The following DTX1 variants were observed in gnomAD, a reference collection of about 807,000 sequenced individuals.
The protein encoded by DTX1 is deltex E3 ubiquitin ligase 1.
In DTX1, 26 loss-of-function variants were observed where a neutral mutation model predicts 57.8. The observed-to-expected ratio is 0.45, with a 90% CI of 0.33 to 0.62. The LOEUF (loss-of-function observed/expected upper bound fraction) is 0.62, where lower values mean the gene tolerates loss of function less well. DTX1 is among the 20% of genes least tolerant of loss of function. The pLI, the probability that DTX1 is intolerant of heterozygous loss-of-function variation, is 0.02. For synonymous variants in DTX1, 398 were observed against 394.1 expected (o/e 1.01, Z -0.12); for missense variants, 704 against 895.3 (o/e 0.79, Z 2.73).
intron 2 of DTX1, among the ~76,000 whole-genome samples, chr12:113,068,203 T>C (rs1010958622): frequency 1.3e-5 from 2 of 152,216 alleles, no homozygotes; most frequent in African/African-American, 4.8e-5. Context: ...CATTTATTCA[T>C]TCATCCAACA....
At chr12:113,058,585 C>A in intron 2 of DTX1, 134 bp downstream of exon 2, 1 of 1,434,232 alleles carries the variant, frequency 7.0e-7, no homozygotes, top group Non-Finnish European at 9.3e-7. Flanking sequence ...TCCAGAAAAA[C>A]AGGGCAGTCT....
At position 113,093,201 on chromosome 12, in the gene DTX1, G is replaced by A; in HGVS notation, c.981G>A (p.Gly327=). Residue 327 remains glycine (G), a synonymous_variant, in exon 4 of 10, where the codon GGG becomes GGA. Coordinates refer to ENST00000548759, the MANE Select transcript of DTX1 (RefSeq NM_004416.3). This position sits in a 1 kb window ranked among gnomAD's most constrained non-coding sequence, Gnocchi z 4.2. ...ALPVKNLNGT[G]PVHPALAGMT... ...CGGTGAAGAACTTGAATGGTACTGG[G>A]CCGGTCCATCCGGCCCTGGCAGGTG... is the stretch of plus-strand genomic sequence containing the variant. 6.3e-7 allele frequency: 1 copy of A among 1,598,632 alleles called. No homozygotes were observed. The highest frequency in any genetic ancestry group is 1.7e-5 in the Admixed American group (1 of 58,092).
At chr12:113,068,598 G>A (rs1004387577) in intron 2 of DTX1, among the ~76,000 whole-genome samples, 1 of 152,240 alleles carries the variant, frequency 6.6e-6, no homozygotes, top group African/African-American at 2.4e-5. Context: ...TTTTGGTGTG[G>A]TTAGAGTGTG....
chr12:113,090,636 T>C (rs1950241122), intron 3 of DTX1, among the ~76,000 whole-genome samples: 1 of 152,218 alleles, frequency 6.6e-6, no homozygotes, highest in Non-Finnish European at 1.5e-5. Context: ...GTTCATTGAC[T>C]TCCATCACAC....
At chr12:113,079,111 T>A (rs1308493401) in intron 3 of DTX1, among the ~76,000 whole-genome samples, 1 of 152,052 alleles carries the variant, frequency 6.6e-6, no homozygotes, top group African/African-American at 2.4e-5. Flanking sequence ...TGCTGTTGGG[T>A]GCCTACCCTG....
rs774594866 is a variant in DTX1 at position 113,077,503 on chromosome 12, C to T, written c.339C>T (p.Asn113=). ...PGKGIVWEWE[N]DGGAWTAYDM... is the part of the protein sequence containing the mutation. ...AGGGCATCGTGTGGGAGTGGGAGAA[C>T]GACGGCGGCGCATGGACGGCCTACG... Residue 113 remains asparagine (N), a synonymous_variant, in exon 3 of 10, where the codon AAC becomes AAT. Coordinates refer to ENST00000548759, the MANE Select transcript of DTX1 (RefSeq NM_004416.3). The surrounding 1 kb of genome is among the most constrained non-coding windows in gnomAD (Gnocchi z 7.8). The T allele has an allele frequency of 6.2e-7, 1 of 1,610,350 alleles. No homozygotes were observed. The highest frequency in any genetic ancestry group is 8.5e-7 in the Non-Finnish European group (1 of 1,179,792).
Position 113,078,787 on chromosome 12 carries a change from G to C in DTX1, c.941+682G>C, listed in dbSNP as rs369023989. Among the ~76,000 whole-genome samples, 9 of 152,038 alleles carry C rather than the reference G, an allele frequency of 5.9e-5. No homozygotes were observed. The South Asian group carries it at 6.2e-4, about 11-fold the overall frequency. On this transcript the variant is annotated intron_variant, in intron 3 of 9. Coordinates refer to ENST00000548759, the MANE Select transcript of DTX1 (RefSeq NM_004416.3). ...ATGGTGGCTCGAGCAAGCATCAGCT[G>C]CTTGTCCAAAGTATTTCCCCATAGG... is the stretch of plus-strand genomic sequence containing the variant.
At chr12:113,057,175 TC>T (rs1169413936) in intron 1 of DTX1, among the ~76,000 whole-genome samples, 1 of 151,062 alleles carries the variant, frequency 6.6e-6, no homozygotes, top group East Asian at 2.0e-4. Flanking sequence ...GCACCCGGCA[TC>T]CCCCCGGCAG....
Position 113,093,436 on chromosome 12 carries a change from A to AGC in DTX1, c.1004-103_1004-102insGC, listed in dbSNP as rs1950261378. ...CTGAGTGGGTGGGGCCCAAGAGCGC[A>AGC]ACCCTCCCACCCACCCGAGGGCCCC... On this transcript the variant is annotated intron_variant, in intron 4 of 9. Coordinates refer to ENST00000548759, the MANE Select transcript of DTX1 (RefSeq NM_004416.3). The surrounding 1 kb of genome is among the most constrained non-coding windows in gnomAD (Gnocchi z 4.2). The AGC allele has an allele frequency of 7.1e-5, 62 of 876,274 alleles. No individual in the cohort carries two copies. Among genetic ancestry groups the AGC allele is most frequent in the Non-Finnish European group, 9.7e-5 (57 of 586,216 alleles). The allele number at this position is 876,274 out of a possible 1,614,324, so 54.3% of individuals were successfully genotyped here.
At chr12:113,090,919 G>C (rs1026126837) in intron 3 of DTX1, among the ~76,000 whole-genome samples, 1 of 152,334 alleles carries the variant, frequency 6.6e-6, no homozygotes, top group African/African-American at 2.4e-5. Flanking sequence ...CAGTGAGTCA[G>C]CGTGTCCTCC....
chr12:113,076,289 T>A (rs2044771716), intron 2 of DTX1, among the ~76,000 whole-genome samples: 1 of 151,742 alleles, frequency 6.6e-6, no homozygotes, highest in Non-Finnish European at 1.5e-5. Flanking sequence ...CAAAACCCCA[T>A]CTCTACTAAA....
At chr12:113,096,406 C>T (rs1950292529) in intron 9 of DTX1, among the ~76,000 whole-genome samples, 1 of 123,334 alleles carries the variant, frequency 8.1e-6, no homozygotes, top group Non-Finnish European at 1.6e-5. Flanking sequence ...CACTGCTGCA[C>T]TCCAGCCTGA....
chr12:113,059,240 C>G (rs2044650752), intron 2 of DTX1, among the ~76,000 whole-genome samples: 1 of 151,798 alleles, frequency 6.6e-6, no homozygotes, highest in Non-Finnish European at 1.5e-5. Flanking sequence ...TAGCGTTAAC[C>G]ATGGGATTCA....
rs1346770397 is a variant in DTX1, at chr12:113,096,459, A to G, written c.1639-256A>G. Among the ~76,000 whole-genome samples the G allele has an allele frequency of 2.1e-3, 284 of 135,344 alleles. 1 individual carries two copies. The highest frequency in any genetic ancestry group is 6.9e-3 in the African/African-American group (264 of 37,998). The allele number at this position is 135,344 out of a possible 152,430, so 88.8% of individuals were successfully genotyped here. A position where few individuals can be genotyped will look rare whatever the true frequency, so the allele number is the denominator to read the frequency against. On this transcript the variant is annotated intron_variant, in intron 9 of 9. Coordinates refer to ENST00000548759, the MANE Select transcript of DTX1 (RefSeq NM_004416.3). ...TGCCTCAAAAAAAAAAAAAAAAAAA[A>G]AAAGAAAAAGAAAAAAAAGAAAAGG...
rs1275047107 is a variant in DTX1 at position 113,057,565 on chromosome 12, G to T, written c.-628G>T. 2 of 145,528 alleles carry T rather than the reference G, an allele frequency of 1.4e-5. No individual in the cohort carries two copies. The highest frequency in any genetic ancestry group is 3.0e-5 in the Non-Finnish European group (2 of 66,340). 9.0% of individuals were successfully genotyped at this position (145,528 alleles called of 1,614,324 possible). Reference sequence around the variant, plus strand: ...GGCGCGCCGCCCGAGGGTCCACGCCGCACCCCTCCCCCGTGCGTTCTGCGG... The same window carrying T: ...GGCGCGCCGCCCGAGGGTCCACGCCTCACCCCTCCCCCGTGCGTTCTGCGG... On this transcript the variant is annotated 5_prime_UTR_variant, in exon 2 of 10. Coordinates refer to ENST00000548759, the MANE Select transcript of DTX1 (RefSeq NM_004416.3).
At chr12:113,061,512 C>T (rs1469718959) in intron 2 of DTX1, among the ~76,000 whole-genome samples, 1 of 152,196 alleles carries the variant, frequency 6.6e-6, no homozygotes, top group African/African-American at 2.4e-5. Context: ...TGACCTCAGG[C>T]CTCTCCAGGT....
intron 2 of DTX1, among the ~76,000 whole-genome samples, chr12:113,066,897 A>G (rs2044707070): frequency 6.6e-6 from 1 of 152,058 alleles, no homozygotes; most frequent in African/African-American, 2.4e-5. Context: ...CTGCCGGGCT[A>G]GGAGCTGAGT....
At chr12:113,079,687 C>G (rs1344818437) in intron 3 of DTX1, among the ~76,000 whole-genome samples, 1 of 142,472 alleles carries the variant, frequency 7.0e-6, no homozygotes, top group Non-Finnish European at 1.5e-5. Flanking sequence ...GCCACCATTC[C>G]CGGCTACTGT....
intron 2 of DTX1, among the ~76,000 whole-genome samples, chr12:113,071,561 G>A (rs781334173): frequency 6.6e-6 from 1 of 152,250 alleles, no homozygotes; most frequent in Non-Finnish European, 1.5e-5. Flanking sequence ...CCAGCCTGAG[G>A]CCCAGCCTCT....
Sources: allele counts gnomAD v4.1 joint callset (sites outside exome capture counted in the v4.1 genomes callset), GRCh38; gene constraint gnomAD v4.1.1; non-coding constraint Gnocchi (gnomAD v3.1); transcripts MANE v1.5; gene names NCBI Gene and HGNC (gene_info 2026-07-23, HGNC 2026-07-21).